The following ATP23 variants were observed in gnomAD, a reference collection of about 807,000 sequenced individuals.
ATP23 encodes ATP23 metallopeptidase and ATP synthase assembly factor homolog, also known as mitochondrial inner membrane protease ATP23 homolog.
In ATP23, 24 loss-of-function variants were observed where a neutral mutation model predicts 28.5. The ratio of observed to expected loss-of-function variants is 0.84; its 90% CI spans 0.61 to 1.18. ATP23 has a LOEUF of 1.18. Ranked by LOEUF, ATP23 falls within the 50% of genes most tolerant of loss-of-function variation. The pLI is 0.00. For synonymous variants in ATP23, 99 were observed against 108.6 expected (o/e 0.91, Z 0.55); for missense variants, 274 against 306.4 (o/e 0.89, Z 0.79).
chr12:57,942,703 G>A (rs1322738497), intron 1 of ATP23, among the ~76,000 whole-genome samples: 1 of 152,098 alleles, frequency 6.6e-6, no homozygotes, highest in African/African-American at 2.4e-5. Context: ...GATTACAGGC[G>A]TGAGTCACTG....
intron 1 of ATP23, among the ~76,000 whole-genome samples, chr12:57,943,977 G>A (rs936393604): frequency 2.8e-5 from 4 of 143,558 alleles, no homozygotes; most frequent in Admixed American, 2.1e-4. Flanking sequence ...CCTCATGGGA[G>A]TCTCTTTTTT....
At chr12:57,953,326 T>G (rs1445694833) in intron 4 of ATP23, among the ~76,000 whole-genome samples, 1 of 152,202 alleles carries the variant, frequency 6.6e-6, no homozygotes, top group Non-Finnish European at 1.5e-5. Context: ...GTTCTGTCAG[T>G]AAAGCTACGC....
rs1470174410 is a variant in ATP23, at chr12:57,958,626, A to T, written c.*1736A>T. Among the ~76,000 whole-genome samples the T allele has an allele frequency of 1.3e-5, 2 of 152,218 alleles. No homozygotes were observed. Among genetic ancestry groups the T allele is most frequent in the African/African-American group, 4.8e-5 (2 of 41,460 alleles). Reference sequence around the variant, plus strand: ...AGACTCACTGGGTGGCTAGACCCAGAAGAGAGACAACAATCACAGCAGTTT... The same window carrying T: ...AGACTCACTGGGTGGCTAGACCCAGTAGAGAGACAACAATCACAGCAGTTT... On this transcript the variant is annotated 3_prime_UTR_variant, in exon 6 of 6. Coordinates refer to ENST00000300145, the MANE Select transcript of ATP23 (RefSeq NM_033276.4).
chr12:57,957,230 C>G lies in ATP23; in HGVS notation c.*340C>G. Reference sequence around the variant, plus strand: ...CTTCCATGATGTTGATAGGTGACCACTGTTGGTATTTACATTAAATGTAAA... The same window carrying G: ...CTTCCATGATGTTGATAGGTGACCAGTGTTGGTATTTACATTAAATGTAAA... On this transcript the variant is annotated 3_prime_UTR_variant, in exon 6 of 6. Coordinates refer to ENST00000300145, the MANE Select transcript of ATP23 (RefSeq NM_033276.4). 1 of 192,094 alleles carries G rather than the reference C, an allele frequency of 5.2e-6. No individual in the cohort carries two copies. The highest frequency in any genetic ancestry group is 1.4e-4 in the South Asian group (1 of 7,334). 11.9% of individuals were successfully genotyped at this position (192,094 alleles called of 1,614,324 possible).
At chr12:57,954,921 C>T (rs138873314) in intron 5 of ATP23, among the ~76,000 whole-genome samples, 42 of 151,992 alleles carry the variant, frequency 2.8e-4, no homozygotes, top group Middle Eastern at 6.8e-3. Flanking sequence ...GGTGATTACT[C>T]TAGACAGTGA....
chr12:57,948,960 T>G (rs1956790114), intron 3 of ATP23, among the ~76,000 whole-genome samples: 1 of 152,264 alleles, frequency 6.6e-6, no homozygotes, highest in South Asian at 2.1e-4. Flanking sequence ...CTTTCCACCT[T>G]CAGCATTTGT....
intron 1 of ATP23, among the ~76,000 whole-genome samples, chr12:57,944,816 A>G (rs1032539889): frequency 4.6e-5 from 7 of 152,100 alleles, no homozygotes; most frequent in African/African-American, 1.7e-4. Context: ...CAACCCCCCA[A>G]ATCCTTTCTT....
intron 2 of ATP23, 87 bp downstream of exon 2, chr12:57,945,760 T>G: frequency 8.1e-7 from 1 of 1,236,964 alleles, no homozygotes; most frequent in Non-Finnish European, 1.2e-6. Flanking sequence ...CTGCTTAAGA[T>G]TTCTCTGAGG....
At chr12:57,955,845 A>G (rs923463121) in intron 5 of ATP23, among the ~76,000 whole-genome samples, 15 of 152,240 alleles carry the variant, frequency 9.9e-5, no homozygotes, top group African/African-American at 3.1e-4. Context: ...GACCAGGCCA[A>G]TGAAAAACTG....
Position 57,941,727 on chromosome 12 carries a change from G to T in ATP23, c.26G>T (p.Arg9Leu). MAGAPDER[R>L]RGPAAGEQLQ... ...ATGGCGGGAGCTCCGGACGAGCGCC[G>T]GCGGGGCCCCGCGGCAGGGGAGCAG... Residue 9 changes from arginine to leucine, a missense_variant, in exon 1 of 6, where the codon CGG becomes CTG. By Grantham distance (102) the Arg-to-Leu change is moderately radical. Transcript: ENST00000300145. 1 of 1,599,622 alleles carries T rather than the reference G, an allele frequency of 6.3e-7. No homozygotes were observed. Among genetic ancestry groups the T allele is most frequent in the East Asian group, 2.3e-5 (1 of 44,078 alleles).
Position 57,947,223 on chromosome 12 carries a change from C to T in ATP23, c.315+147C>T, listed in dbSNP as rs1956771186. ...AGTTATCCTTACTCTAAGGAGTTTA[C>T]TCTTAAAATCTCTTAAGGAGTTTAC... On this transcript the variant is annotated intron_variant, in intron 3 of 5. Transcript: ENST00000300145. 6 of 666,978 alleles carry T rather than the reference C, an allele frequency of 9.0e-6. No homozygotes were observed. In the South Asian group the frequency reaches 1.1e-4, roughly 13 times the overall value. 41.3% of individuals were successfully genotyped at this position (666,978 alleles called of 1,614,324 possible).
rs1952568132 is a variant in ATP23 at position 57,941,633 on chromosome 12, G to A, written c.-69G>A. The A allele has an allele frequency of 6.5e-7, 1 of 1,546,668 alleles. No homozygotes were observed. The highest frequency in any genetic ancestry group is 8.7e-7 in the Non-Finnish European group (1 of 1,150,502). On this transcript the variant is annotated 5_prime_UTR_variant, in exon 1 of 6. Transcript: ENST00000300145. Reference sequence around the variant, plus strand: ...TGGGCGGTCGCGTTGGCGGGAGGGAGGTTACCTTTCCCAGTCTCGCTCTGG... The same window carrying A: ...TGGGCGGTCGCGTTGGCGGGAGGGAAGTTACCTTTCCCAGTCTCGCTCTGG...
At chr12:57,946,144 G>A (rs988184863) in intron 2 of ATP23, among the ~76,000 whole-genome samples, 1 of 152,160 alleles carries the variant, frequency 6.6e-6, no homozygotes, top group African/African-American at 2.4e-5. Flanking sequence ...GGGATTACAG[G>A]TGTGAGCCAC....
Position 57,947,025 on chromosome 12 carries a change from C to G in ATP23, c.264C>G (p.Cys88Trp). ...TTAACAAAGATAGACACTTTTCTTG[C>G]GAAGACTGTAATGGAAATGTCAGTG... ...CAVNKDRHFS[C>W]EDCNGNVSGG... The change falls in exon 3 of 6, where the codon TGC (cysteine) becomes TGG (tryptophan). Residue 88 changes from cysteine (C) to tryptophan (W), a missense_variant. Transcript: ENST00000300145. The G allele has an allele frequency of 6.2e-7, 1 of 1,613,912 alleles. No individual in the cohort carries two copies. Among genetic ancestry groups the G allele is most frequent in the South Asian group, 1.1e-5 (1 of 91,054 alleles).
chr12:57,953,799 TG>T, intron 5 of ATP23, 110 bp downstream of exon 5: 1 of 951,900 alleles, frequency 1.1e-6, no homozygotes, highest in Non-Finnish European at 1.6e-6. Context: ...ACTTCGTATG[TG>T]AAAAGAATAC....
Position 57,956,835 on chromosome 12 carries a change from C to T in ATP23, c.686C>T (p.Ala229Val), listed in dbSNP as rs117230607. The T allele has an allele frequency of 6.2e-3, 10,049 of 1,613,702 alleles. 48 individuals are homozygous for T. The highest frequency in any genetic ancestry group is 0.011 in the Middle Eastern group (67 of 6,058). The change falls in exon 6 of 6, where the codon GCA becomes GTA. Residue 229 changes from alanine (A) to valine (V), a missense_variant. Physicochemically the swap from Ala to Val is moderately conservative, Grantham distance 64. Transcript: ENST00000300145. Reference protein sequence around the residue: ...FGRIPHNKTYARYAHRDFENR... With the variant: ...FGRIPHNKTYVRYAHRDFENR... ...AGGATCCCACATAACAAGACTTATG[C>T]AAGATATGCTCACAGAGACTTTGAA...
Position 57,947,002 on chromosome 12 carries a change from A to C in ATP23, c.241A>C (p.Asn81His). ...DAMKHSGCAVNKDRHFSCEDC... is the reference protein window; with the variant it reads ...DAMKHSGCAVHKDRHFSCEDC... ...CCTTTTCTTGCCTTTTAGTGCTGTT[A>C]ACAAAGATAGACACTTTTCTTGCGA... The change falls in exon 3 of 6, where the codon AAC becomes CAC. Residue 81 changes from asparagine to histidine, a missense_variant. Physicochemically the swap from Asn to His is moderately conservative, Grantham distance 68. Transcript: ENST00000300145. 1.2e-6 allele frequency: 2 copies of C among 1,613,848 alleles called. No individual in the cohort carries two copies. The highest frequency in any genetic ancestry group is 2.2e-5 in the South Asian group (2 of 91,044).
chr12:57,952,671 C>T (rs1956826955), intron 4 of ATP23, among the ~76,000 whole-genome samples: 1 of 152,040 alleles, frequency 6.6e-6, no homozygotes, highest in Non-Finnish European at 1.5e-5. Context: ...ATATGTAGCC[C>T]CCTGCATCTA....
intron 3 of ATP23, 146 bp from the exon 4 acceptor site, chr12:57,951,612 A>G: frequency 1.2e-6 from 1 of 828,280 alleles, no homozygotes; most frequent in Non-Finnish European, 1.9e-6. Context: ...CCATGGGTAG[A>G]TGTGTGGCCA....
Sources: allele counts gnomAD v4.1 joint callset (sites outside exome capture counted in the v4.1 genomes callset), GRCh38; gene constraint gnomAD v4.1.1; transcripts MANE v1.5; gene names NCBI Gene and HGNC (gene_info 2026-07-23, HGNC 2026-07-21).